Variants in DMD observed in about 807,000 individuals in gnomAD.
DMD encodes the protein dystrophin.
DMD carries 63 observed loss-of-function variants against 330.1 expected under a neutral mutation model. The ratio of observed to expected loss-of-function variants is 0.19; its 90% CI spans 0.16 to 0.24. The LOEUF is 0.24. DMD is among the 10% of genes least tolerant of loss of function. The pLI, the probability that DMD is intolerant of heterozygous loss-of-function variation, is 1.00. For missense variants in DMD, 3,344 were observed against 2,684.1 expected (o/e 1.25, Z -5.43); for synonymous variants, 1,223 against 959.8 (o/e 1.27, Z -5.07).
intron 52 of DMD, among the ~76,000 whole-genome samples, chrX:31,714,635 T>C (rs746766709): frequency 1.3e-4 from 14 of 111,753 alleles, no homozygotes; most frequent in African/African-American, 4.2e-4. Context: ...CCTATACTCA[T>C]GATGAAGACT....
In DMD at chrX:31,291,241, GTT is replaced by G. The variant is rs370709116; in HGVS notation, c.9225-30227_9225-30226del. ...ACAAATGTTTTGATTAGCCCACACA[GTT>G]TTTTTTTTTTTAATCTGAATTACTC... On this transcript the variant is annotated intron_variant, in intron 62 of 78. Coordinates refer to ENST00000357033, the MANE Select transcript of DMD (RefSeq NM_004006.3). Among the ~76,000 whole-genome samples the G allele has an allele frequency of 8.8e-4, 91 of 103,410 alleles. 1 individual carries two copies. Among genetic ancestry groups the G allele is most frequent in the African/African-American group, 3.1e-3 (89 of 28,740 alleles). The allele number at this position is 103,410 out of a possible 115,157, so 89.8% of individuals were successfully genotyped here. A position where few individuals can be genotyped will look rare whatever the true frequency, so the allele number is the denominator to read the frequency against.
chrX:32,438,143 G>T, intron 29 of DMD, 98 bp downstream of exon 29: 1 of 927,635 alleles, frequency 1.1e-6, no homozygotes, highest in South Asian at 2.1e-5. Flanking sequence ...TGAAAGCTGA[G>T]CTAATATTTA....
At chrX:32,944,654 G>C in intron 2 of DMD, among the ~76,000 whole-genome samples, 1 of 107,213 alleles carries the variant, frequency 9.3e-6, no homozygotes, top group South Asian at 4.2e-4. Context: ...GCCCAGGCTG[G>C]AGTGCAGTGG....
At chrX:32,449,146 A>G (rs2098318222) in intron 26 of DMD, among the ~76,000 whole-genome samples, 1 of 111,070 alleles carries the variant, frequency 9.0e-6, no homozygotes, top group Non-Finnish European at 1.9e-5. Flanking sequence ...GTTTCGTTCG[A>G]GAATTGAAAA....
chrX:31,659,985 C>T (rs914851197), intron 53 of DMD, among the ~76,000 whole-genome samples: 1 of 111,894 alleles, frequency 8.9e-6, no homozygotes, highest in African/African-American at 3.2e-5. Flanking sequence ...ATAATTTCAG[C>T]GTGTTTGGTG....
intron 55 of DMD, among the ~76,000 whole-genome samples, chrX:31,618,184 ACC>A (rs1038978336): frequency 8.3e-5 from 9 of 107,820 alleles, no homozygotes; most frequent in Non-Finnish European, 1.5e-4. Flanking sequence ...CATGCAATTT[ACC>A]CATGTAACAA....
At chrX:31,579,810 C>T (rs143306048) in intron 55 of DMD, among the ~76,000 whole-genome samples, 8 of 112,355 alleles carry the variant, frequency 7.1e-5, no homozygotes, top group Non-Finnish European at 1.5e-4. Context: ...CCTAAAACAA[C>T]ACAAATTGAT....
At chrX:32,289,218 C>T (rs1415515112) in intron 42 of DMD, among the ~76,000 whole-genome samples, 1 of 110,965 alleles carries the variant, frequency 9.0e-6, no homozygotes, top group Non-Finnish European at 1.9e-5. Context: ...ATGAATGGCC[C>T]TCACCAAGCT....
chrX:32,484,832 A>T, intron 21 of DMD, 87 bp downstream of exon 21: 1 of 970,808 alleles, frequency 1.0e-6, no homozygotes, highest in East Asian at 3.3e-5. Flanking sequence ...TACAGAAATT[A>T]TTGTTTCATG....
At chrX:31,393,478 AAAAAAAAAAAAAAC>A (rs1427075332) in intron 60 of DMD, among the ~76,000 whole-genome samples, 11 of 103,011 alleles carry the variant, frequency 1.1e-4, no homozygotes, top group African/African-American at 3.9e-4. Context: ...CTCCATCTCA[AAAAAAAAAAAAAAC>A]AAAAAAAAAA....
chrX:31,172,211 A>G, intron 73 of DMD, 137 bp downstream of exon 73: 1 of 536,860 alleles, frequency 1.9e-6, no homozygotes, highest in East Asian at 3.7e-5. Context: ...AATTAAAGGA[A>G]AAAAGTAAAT....
intron 34 of DMD, among the ~76,000 whole-genome samples, chrX:32,370,837 CTG>C (rs2097873717): frequency 9.0e-6 from 1 of 111,210 alleles, no homozygotes; most frequent in Non-Finnish European, 1.9e-5. Context: ...TCTCTTTAAA[CTG>C]TGAAATCTTA....
At chrX:31,796,907 T>C (rs1236245064) in intron 50 of DMD, among the ~76,000 whole-genome samples, 1 of 110,714 alleles carries the variant, frequency 9.0e-6, no homozygotes, top group African/African-American at 3.3e-5. Flanking sequence ...AACCATGTGA[T>C]CTCTACACAC....
At chrX:31,657,422 TA>T (rs771474636) in intron 54 of DMD, among the ~76,000 whole-genome samples, 9 of 111,971 alleles carry the variant, frequency 8.0e-5, no homozygotes, top group African/African-American at 2.9e-4. Context: ...AAAAAAGCAC[TA>T]GAGATCAAGA....
chrX:33,184,028 G>A (rs2050126536), intron 1 of DMD, among the ~76,000 whole-genome samples: 2 of 111,454 alleles, frequency 1.8e-5, no homozygotes, highest in Admixed American at 9.5e-5. Context: ...ATAGTTAAAA[G>A]GGAGCCAGAA....
At chrX:31,353,749 C>G (rs775283301) in intron 60 of DMD, among the ~76,000 whole-genome samples, 17 of 111,246 alleles carry the variant, frequency 1.5e-4, no homozygotes, top group Non-Finnish European at 2.6e-4. Context: ...TAGAGATGAA[C>G]AATTTGTCTC....
At chrX:33,276,969 A>G (rs1291935110) in intron 1 of DMD, among the ~76,000 whole-genome samples, 2 of 112,014 alleles carry the variant, frequency 1.8e-5, no homozygotes, top group African/African-American at 6.5e-5. Context: ...TTCACCATTT[A>G]TGTACGTATA....
At chrX:31,950,692 T>C (rs1001657505) in intron 45 of DMD, among the ~76,000 whole-genome samples, 5 of 111,105 alleles carry the variant, frequency 4.5e-5, no homozygotes, top group Non-Finnish European at 9.5e-5. Context: ...ACGTTTATAA[T>C]TGTTATATTT....
chrX:32,496,635 C>G (rs1298606020), intron 19 of DMD, among the ~76,000 whole-genome samples: 2 of 112,805 alleles, frequency 1.8e-5, no homozygotes, highest in African/African-American at 6.4e-5. Flanking sequence ...CAGTCTCTTT[C>G]TTTCACACAC....
Sources: gnomAD v4.1 joint callset for allele counts (sites outside exome capture counted in the v4.1 genomes callset) on GRCh38, gnomAD v4.1.1 for gene constraint, MANE v1.5 for transcripts, NCBI Gene and HGNC (gene_info 2026-07-23, HGNC 2026-07-21) for gene names.